The following JAM2 variants were observed in gnomAD, a reference collection of about 807,000 sequenced individuals.
JAM2 encodes junctional adhesion molecule B.
JAM2 carries 17 observed loss-of-function variants against 42.0 expected under a neutral mutation model. The observed-to-expected ratio is 0.40, with a 90% confidence interval of 0.28 to 0.61. The LOEUF (loss-of-function observed/expected upper bound fraction) is 0.61. JAM2 is among the 20% of genes least tolerant of loss of function. The probability of loss-of-function intolerance (pLI) is 0.37; values close to 1 mark genes in which losing one functional copy is unlikely to be tolerated. For synonymous variants in JAM2, 118 were observed against 128.6 expected (o/e 0.92, Z 0.56); for missense variants, 319 against 358.3 (o/e 0.89, Z 0.89).
intron 5 of JAM2, among the ~76,000 whole-genome samples, chr21:25,700,535 A>G (rs191505632): frequency 6.6e-5 from 10 of 152,156 alleles, no homozygotes; most frequent in Admixed American, 3.3e-4. Flanking sequence ...AAATTTTTGT[A>G]TTTTTAGTAG....
At chr21:25,708,487 G>A (rs1233975251) in intron 7 of JAM2, among the ~76,000 whole-genome samples, 1 of 152,222 alleles carries the variant, frequency 6.6e-6, no homozygotes, top group African/African-American at 2.4e-5. Flanking sequence ...AGGATCGCTT[G>A]AGCGCAGAAG....
intron 2 of JAM2, among the ~76,000 whole-genome samples, chr21:25,685,794 A>C (rs2033739399): frequency 6.6e-6 from 1 of 152,132 alleles, no homozygotes; most frequent in South Asian, 2.1e-4. Flanking sequence ...TGGAAAGGCC[A>C]CAAGGGTGAG....
chr21:25,698,965 A>G, intron 5 of JAM2, 86 bp downstream of exon 5: 1 of 1,172,156 alleles, frequency 8.5e-7, no homozygotes, highest in Admixed American at 1.8e-5. Flanking sequence ...TTTAATAGAG[A>G]GCTGATACCA....
chr21:25,648,179 C>A (rs763480953), intron 1 of JAM2, among the ~76,000 whole-genome samples: 8 of 151,868 alleles, frequency 5.3e-5, no homozygotes, highest in Non-Finnish European at 8.8e-5. Context: ...CCACTGCACT[C>A]CAGCCTGGGC....
Position 25,693,783 on chromosome 21 carries a change from T to C in JAM2, c.269T>C (p.Ile90Thr), listed in dbSNP as rs774746317. The C allele has an allele frequency of 1.9e-6, 3 of 1,613,972 alleles. No individual in the cohort carries two copies. The highest frequency in any genetic ancestry group is 2.2e-5 in the East Asian group (1 of 44,888). ...QGDFKNRAEM[I>T]DFNIRIKNVT... ...GATTTTAAAAATCGAGCTGAGATGA[T>C]AGATTTCAATATCCGGATCAAAAAT... Residue 90 changes from isoleucine (I) to threonine (T), a missense_variant, in exon 4 of 10, where the codon ATA (isoleucine) becomes ACA (threonine). Coordinates refer to ENST00000480456, the MANE Select transcript of JAM2 (RefSeq NM_021219.4).
intron 1 of JAM2, among the ~76,000 whole-genome samples, chr21:25,654,037 A>T (rs2829846): frequency 0.012 from 1,826 of 152,336 alleles, 13 homozygotes; most frequent in Non-Finnish European, 0.017. Context: ...TAACTAGGTC[A>T]GTTACTCCTT....
At chr21:25,699,839 G>A (rs1463764816) in intron 5 of JAM2, among the ~76,000 whole-genome samples, 1 of 150,058 alleles carries the variant, frequency 6.7e-6, no homozygotes, top group South Asian at 2.1e-4. Flanking sequence ...ATCTACAGCT[G>A]TCTTCTGGCC....
At chr21:25,641,519 T>C (rs536395358) in intron 1 of JAM2, among the ~76,000 whole-genome samples, 1 of 152,294 alleles carries the variant, frequency 6.6e-6, no homozygotes, top group East Asian at 1.9e-4. Flanking sequence ...TTGGAAGTGT[T>C]GTGGGGACTT....
intron 9 of JAM2, chr21:25,714,429 C>T (rs2034442317): frequency 8.5e-6 from 4 of 468,322 alleles, no homozygotes; most frequent in Admixed American, 4.0e-5. Context: ...ACCCGGGAGG[C>T]GGAGGTTGCA....
intron 1 of JAM2, among the ~76,000 whole-genome samples, chr21:25,640,710 C>T (rs1305119876): frequency 6.6e-6 from 1 of 152,248 alleles, no homozygotes; most frequent in Non-Finnish European, 1.5e-5. Context: ...TTACAATAGA[C>T]TAAGCAATGC....
intron 6 of JAM2, among the ~76,000 whole-genome samples, chr21:25,704,637 C>T (rs901821140): frequency 2.0e-5 from 3 of 152,150 alleles, no homozygotes; most frequent in Non-Finnish European, 4.4e-5. Flanking sequence ...TGAAGAATTG[C>T]TCCTTTAATA....
At chr21:25,712,422 T>C in intron 9 of JAM2, 40 bp downstream of exon 9, 1 of 1,392,292 alleles carries the variant, frequency 7.2e-7, no homozygotes, top group East Asian at 2.3e-5. Flanking sequence ...TGAATATGTT[T>C]GGGGAATAGG....
chr21:25,686,005 A>G (rs1354326272), intron 2 of JAM2, among the ~76,000 whole-genome samples: 4 of 152,216 alleles, frequency 2.6e-5, no homozygotes, highest in Admixed American at 6.5e-5. Context: ...TAAAAAATGT[A>G]TCAAGGTGAA....
Position 25,664,787 on chromosome 21 carries a change from T to C in JAM2, c.68-19096T>C, listed in dbSNP as rs149486516. Among the ~76,000 whole-genome samples the C allele has an allele frequency of 5.8e-3, 877 of 152,338 alleles. 6 individuals carry two copies. Among genetic ancestry groups the C allele is most frequent in the Non-Finnish European group, 9.7e-3 (658 of 68,032 alleles). ...TAGAGAGTCACAGTGCTCCTTAGCA[T>C]GTTAGAGGCTCCAATAAGTCCTTTT... On this transcript the variant is annotated intron_variant, in intron 1 of 9. Transcript: ENST00000480456.
chr21:25,714,836 T>C lies in JAM2; in HGVS notation c.*164T>C. ...ACTAACTCACCTGAACTTGCTATTT[T>C]AAACAAATAGTTCTGTCGACACCTA... is the stretch of plus-strand genomic sequence containing the variant. On this transcript the variant is annotated 3_prime_UTR_variant, in exon 10 of 10. Transcript: ENST00000480456. 2.1e-6 allele frequency: 1 copy of C among 487,442 alleles called. No individual in the cohort carries two copies. The highest frequency in any genetic ancestry group is 3.7e-6 in the Non-Finnish European group (1 of 273,652). 30.2% of individuals were successfully genotyped at this position (487,442 alleles called of 1,614,324 possible).
intron 4 of JAM2, 71 bp downstream of exon 4, chr21:25,693,979 G>A: frequency 2.1e-6 from 3 of 1,452,596 alleles, no homozygotes; most frequent in African/African-American, 2.8e-5. Context: ...GGGCAAGCAA[G>A]CACTGGTCCA....
chr21:25,706,902 G>C (rs1026329727), intron 7 of JAM2, among the ~76,000 whole-genome samples: 2 of 152,012 alleles, frequency 1.3e-5, no homozygotes, highest in Non-Finnish European at 2.9e-5. Flanking sequence ...ACCACGCCCG[G>C]CTAATTTTTG....
chr21:25,665,162 C>T (rs1048372482), intron 1 of JAM2, among the ~76,000 whole-genome samples: 2 of 152,086 alleles, frequency 1.3e-5, no homozygotes, highest in Non-Finnish European at 2.9e-5. Flanking sequence ...GACAGCACTC[C>T]CACCCATGCC....
chr21:25,668,843 A>C (rs749441323), intron 1 of JAM2, among the ~76,000 whole-genome samples: 36 of 152,200 alleles, frequency 2.4e-4, no homozygotes, highest in Admixed American at 1.3e-4. Flanking sequence ...AAGAAAAACT[A>C]GGAAAGTGTG....
Sources: allele counts gnomAD v4.1 joint callset (sites outside exome capture counted in the v4.1 genomes callset), GRCh38; gene constraint gnomAD v4.1.1; transcripts MANE v1.5; gene names NCBI Gene and HGNC (gene_info 2026-07-23, HGNC 2026-07-21).